PLA1A: variants seen among roughly 807,000 people sequenced by gnomAD.
PLA1A encodes phosphatidylserine-specific phospholipase A1alpha.
PLA1A carries 47 observed loss-of-function variants against 49.4 expected under a neutral mutation model. The observed-to-expected ratio is 0.95, with a 90% CI of 0.75 to 1.21. PLA1A has a LOEUF of 1.21. Ranked by LOEUF, PLA1A falls within the 50% of genes most tolerant of loss-of-function variation. The pLI, the probability that PLA1A is intolerant of heterozygous loss-of-function variation, is 0.00. For missense variants in PLA1A, 561 were observed against 563.9 expected (o/e 0.99, Z 0.05); for synonymous variants, 224 against 207.9 (o/e 1.08, Z -0.67).
chr3:119,612,550 G>A (rs140915940), intron 4 of PLA1A, among the ~76,000 whole-genome samples: 33 of 151,922 alleles, frequency 2.2e-4, no homozygotes, highest in African/African-American at 7.5e-4. Flanking sequence ...GTGCAGTGGC[G>A]CGATCTTGGC....
At chr3:119,602,287 G>T (rs1467162173) in intron 1 of PLA1A, among the ~76,000 whole-genome samples, 1 of 152,070 alleles carries the variant, frequency 6.6e-6, no homozygotes, top group Non-Finnish European at 1.5e-5. Context: ...ACTTTTCTGA[G>T]GGATAGTTTT....
At chr3:119,616,517 T>A (rs184004518) in intron 6 of PLA1A, among the ~76,000 whole-genome samples, 103 of 152,388 alleles carry the variant, frequency 6.8e-4, no homozygotes, top group Non-Finnish European at 1.3e-3. Context: ...CTGGAATTTT[T>A]AAAAATATAT....
rs549217338 is a variant in PLA1A, at chr3:119,625,378, G to T, written c.1121+146G>T. On this transcript the variant is annotated intron_variant, in intron 9 of 10. Transcript: ENST00000273371. ...TTGGCTGGGGGCAGCACCTACTATA[G>T]ATCCAGCCACAGACACATGCTGAGG... is the stretch of plus-strand genomic sequence containing the variant. 58 of 603,018 alleles carry T rather than the reference G, an allele frequency of 9.6e-5. No homozygotes were observed. The East Asian group carries it at 1.2e-3, about 13-fold the overall frequency. The allele number at this position is 603,018 out of a possible 1,614,324, so 37.4% of individuals were successfully genotyped here.
chr3:119,599,986 G>T (rs527683053), intron 1 of PLA1A, among the ~76,000 whole-genome samples: 113 of 152,300 alleles, frequency 7.4e-4, no homozygotes, highest in African/African-American at 2.6e-3. Flanking sequence ...GTGTGTGTGT[G>T]TGTGGCTGGG....
intron 5 of PLA1A, among the ~76,000 whole-genome samples, chr3:119,614,174 A>G (rs188072791): frequency 1.9e-4 from 29 of 152,314 alleles, no homozygotes; most frequent in South Asian, 1.7e-3. Context: ...TTTAGCATTT[A>G]AGACTCATGA....
chr3:119,620,244 G>A (rs1483365840), intron 8 of PLA1A: 1 of 435,720 alleles, frequency 2.3e-6, no homozygotes, highest in African/African-American at 2.0e-5. Flanking sequence ...CTTAACTAGG[G>A]TGACTATACT....
chr3:119,619,715 G>GGCTACCACAC, intron 8 of PLA1A, 63 bp downstream of exon 8: 1 of 1,113,352 alleles, frequency 9.0e-7, no homozygotes, highest in Non-Finnish European at 1.4e-6. Context: ...GTCCAGCCCA[G>GGCTACCACAC]TGTGGTAGCC....
chr3:119,607,256 T>C (rs1482800047), intron 2 of PLA1A, among the ~76,000 whole-genome samples: 1 of 152,236 alleles, frequency 6.6e-6, no homozygotes, highest in Non-Finnish European at 1.5e-5. Context: ...GAACCTTTAT[T>C]ACCCAGGATT....
At chr3:119,625,600 G>A (rs2052515141) in intron 9 of PLA1A, among the ~76,000 whole-genome samples, 1 of 152,196 alleles carries the variant, frequency 6.6e-6, no homozygotes. Flanking sequence ...ACCAGCCCAG[G>A]AAGGGCTAGC....
At chr3:119,603,665 A>C (rs1020869726) in intron 1 of PLA1A, among the ~76,000 whole-genome samples, 3 of 152,228 alleles carry the variant, frequency 2.0e-5, no homozygotes, top group African/African-American at 7.2e-5. Context: ...AGGCACATTA[A>C]AATTTTAAAT....
At chr3:119,608,566 A>C (rs942803968) in intron 2 of PLA1A, among the ~76,000 whole-genome samples, 11 of 152,196 alleles carry the variant, frequency 7.2e-5, no homozygotes, top group Non-Finnish European at 4.4e-5. Flanking sequence ...AATTTACACA[A>C]AGACTGCATA....
intron 1 of PLA1A, among the ~76,000 whole-genome samples, chr3:119,602,019 G>A (rs1475777502): frequency 6.6e-6 from 1 of 152,016 alleles, no homozygotes; most frequent in Non-Finnish European, 1.5e-5. Context: ...AGCAAACCTT[G>A]CTGGGCCATG....
chr3:119,619,897 C>T (rs2082905670), intron 8 of PLA1A, among the ~76,000 whole-genome samples: 1 of 152,194 alleles, frequency 6.6e-6, no homozygotes, highest in Non-Finnish European at 1.5e-5. Flanking sequence ...AAAATTTACC[C>T]TCTAGTGGGT....
At chr3:119,625,396 T>C (rs2052508732) in intron 9 of PLA1A, among the ~76,000 whole-genome samples, 164 bp downstream of exon 9, 1 of 152,174 alleles carries the variant, frequency 6.6e-6, no homozygotes. Context: ...CACAGACACA[T>C]GCTGAGGAGC....
intron 2 of PLA1A, chr3:119,607,206 G>A (rs1670126725): frequency 1.3e-5 from 7 of 545,708 alleles, no homozygotes; most frequent in Admixed American, 9.3e-5. Context: ...ACACACTCAC[G>A]AACAGTACAT....
In PLA1A at chr3:119,629,406, G is replaced by T; in HGVS notation, c.1309G>T (p.Glu437Ter). ...CAGAGAAAAGATGGTCTGCTTACCT[G>T]AACCAGTGAACTTACAAGCAAGTGT... ...NDREKMVCLP[E>*]PVNLQASVTV... The change falls in exon 11 of 11, where the codon GAA (glutamate) becomes TAA (stop). Residue 437 changes from glutamate to a stop codon, truncating the protein, a stop_gained. Coordinates refer to ENST00000273371, the MANE Select transcript of PLA1A (RefSeq NM_015900.4). LOFTEE classifies it high-confidence loss of function. 6.2e-7 allele frequency: 1 copy of T among 1,610,466 alleles called. No individual in the cohort carries two copies. The highest frequency in any genetic ancestry group is 8.5e-7 in the Non-Finnish European group (1 of 1,176,802).
intron 1 of PLA1A, chr3:119,600,361 C>A (rs191034521): frequency 5.7e-6 from 4 of 702,878 alleles, no homozygotes; most frequent in South Asian, 3.0e-5. Flanking sequence ...CTGGCTCAGG[C>A]GTCCTCTCCT....
At position 119,609,849 on chromosome 3, in the gene PLA1A, G is replaced by T. The variant is rs553368013; in HGVS notation, c.562+273G>T. ...TTATTTAAAAAAACTTTTAGATTCA[G>T]GATTTACGTGTGCAGGTTTATTACA... On this transcript the variant is annotated intron_variant, in intron 4 of 10. Coordinates refer to ENST00000273371, the MANE Select transcript of PLA1A (RefSeq NM_015900.4). Among the ~76,000 whole-genome samples the T allele has an allele frequency of 2.0e-4, 30 of 152,198 alleles. No homozygotes were observed. In the South Asian group the frequency reaches 6.2e-3, roughly 32 times the overall value.
At chr3:119,612,149 A>G (rs1298709090) in intron 4 of PLA1A, among the ~76,000 whole-genome samples, 1 of 152,178 alleles carries the variant, frequency 6.6e-6, no homozygotes, top group Non-Finnish European at 1.5e-5. Flanking sequence ...GTGAGAGCCC[A>G]TGGGGATAAC....
Sources: gnomAD v4.1 joint callset for allele counts (sites outside exome capture counted in the v4.1 genomes callset) on GRCh38, gnomAD v4.1.1 for gene constraint, MANE v1.5 for transcripts, NCBI Gene and HGNC (gene_info 2026-07-23, HGNC 2026-07-21) for gene names.